Variants in MIIP observed in about 807,000 individuals in gnomAD.
The protein encoded by MIIP is migration and invasion inhibitory protein.
Under a neutral mutation model 44.8 loss-of-function variants are expected in MIIP, and 44 were observed. The observed-to-expected ratio is 0.98, with a 90% CI of 0.77 to 1.26. The LOEUF (loss-of-function observed/expected upper bound fraction) is 1.26, where lower values mean the gene tolerates loss of function less well. Ranked by LOEUF, MIIP falls within the 50% of genes most tolerant of loss-of-function variation. The pLI, the probability that MIIP is intolerant of heterozygous loss-of-function variation, is 0.00. For missense variants in MIIP, 496 were observed against 511.7 expected, an observed-to-expected ratio of 0.97 and a Z score of 0.30; for synonymous variants, 225 against 218.3, an observed-to-expected ratio of 1.03 and a Z score of -0.27.
In MIIP at chr1:12,031,256, C is replaced by A; in HGVS notation, c.943-10C>A. The A allele has an allele frequency of 1.2e-6, 2 of 1,611,702 alleles. No individual in the cohort carries two copies. Among genetic ancestry groups the A allele is most frequent in the Non-Finnish European group, 1.7e-6 (2 of 1,178,728 alleles). ...CAGGTCAGGCACTTTTAACTCCTTGCCTTCCACAGCACTGCCTGCTGGGCT... is the reference window on the plus strand; with the variant it reads ...CAGGTCAGGCACTTTTAACTCCTTGACTTCCACAGCACTGCCTGCTGGGCT... On this transcript the variant is annotated splice_polypyrimidine_tract_variant and intron_variant, in intron 8 of 9. Transcript: ENST00000235332.
At chr1:12,019,744 C>T (rs1450276837) in intron 1 of MIIP, among the ~76,000 whole-genome samples, 192 bp downstream of exon 1, 1 of 152,282 alleles carries the variant, frequency 6.6e-6, no homozygotes, top group Admixed American at 6.5e-5. Context: ...TCTGGAGCGT[C>T]GCTTTCCCGG....
In MIIP at chr1:12,021,760, C is replaced by T. The variant is rs765743023; in HGVS notation, c.34C>T (p.Leu12=). 6.2e-7 allele frequency: 1 copy of T among 1,612,960 alleles called. No homozygotes were observed. Among genetic ancestry groups the T allele is most frequent in the Admixed American group, 1.7e-5 (1 of 60,006 alleles). Residue 12 remains leucine, a synonymous_variant, in exon 2 of 10, where the codon CTG becomes TTG. Transcript: ENST00000235332. ...GGCTGAGGAACTGGCACAGCTGCGG[C>T]TGCTCAATCTGGAGCTCCTGAGGCA... ...VEAEELAQLR[L]LNLELLRQLW...
At chr1:12,019,994 G>A (rs1365502129) in intron 1 of MIIP, among the ~76,000 whole-genome samples, 1 of 152,250 alleles carries the variant, frequency 6.6e-6, no homozygotes, top group Non-Finnish European at 1.5e-5. Context: ...GTGTGTGGGG[G>A]AGGTTCCGGG....
intron 4 of MIIP, among the ~76,000 whole-genome samples, chr1:12,024,771 T>G (rs1640065112): frequency 6.6e-6 from 1 of 152,190 alleles, no homozygotes; most frequent in African/African-American, 2.4e-5. Context: ...ACTGTTGAGC[T>G]ATCATTACTA....
intron 4 of MIIP, chr1:12,028,807 T>C: frequency 1.8e-6 from 1 of 565,966 alleles, no homozygotes; most frequent in South Asian, 2.0e-5. Flanking sequence ...GCTCTGTCGA[T>C]ATTTTTTCCA....
At chr1:12,024,008 G>C (rs12753910) in intron 4 of MIIP, 1 of 151,612 alleles carries the variant, frequency 6.6e-6, no homozygotes, top group South Asian at 2.1e-4. Flanking sequence ...AAATAAGCAA[G>C]CAAAAAAAAC....
In MIIP at chr1:12,022,210, C is replaced by T; in HGVS notation, c.230C>T (p.Pro77Leu). 6.2e-7 allele frequency: 1 copy of T among 1,613,166 alleles called. No homozygotes were observed. Among genetic ancestry groups the T allele is most frequent in the Non-Finnish European group, 8.5e-7 (1 of 1,179,566 alleles). ...PRGRSSVWGP[P>L]DACRGDLRDV... ...GGCCGGTCCTCCGTGTGGGGCCCAC[C>T]AGATGCCTGTCGAGGGGACCTCCGT... Residue 77 changes from proline to leucine, a missense_variant, in exon 3 of 10, where the codon CCA becomes CTA. Pro to Leu is a moderately conservative substitution (Grantham distance 98). Coordinates refer to ENST00000235332, the MANE Select transcript of MIIP (RefSeq NM_021933.4).
intron 4 of MIIP, among the ~76,000 whole-genome samples, chr1:12,026,849 C>T (rs187111147): frequency 3.5e-4 from 54 of 152,312 alleles, no homozygotes; most frequent in East Asian, 3.5e-3. Flanking sequence ...GGTAAAGCCG[C>T]TGTCTGTTAT....
rs1227967355 is a variant in MIIP at position 12,021,362 on chromosome 1, C to G, written c.-82-283C>G. On this transcript the variant is annotated intron_variant, in intron 1 of 9. Transcript: ENST00000235332. ...TGAGCCGAGATTGCGCCACTGCACT[C>G]CAGCCTGGGCGACAGAGCAAGACTC... Among the ~76,000 whole-genome samples the G allele has an allele frequency of 2.0e-5, 3 of 151,300 alleles. No homozygotes were observed. The South Asian group carries it at 6.3e-4, about 32-fold the overall frequency.
At chr1:12,025,062 T>G (rs1166495851) in intron 4 of MIIP, among the ~76,000 whole-genome samples, 1 of 150,942 alleles carries the variant, frequency 6.6e-6, no homozygotes, top group Non-Finnish European at 1.5e-5. Context: ...TTGTTGTTGT[T>G]TTTTTTGTTT....
At chr1:12,027,901 C>T (rs1364467316) in intron 4 of MIIP, among the ~76,000 whole-genome samples, 1 of 152,228 alleles carries the variant, frequency 6.6e-6, no homozygotes. Context: ...CATCCTGATA[C>T]ACCCAACATA....
At chr1:12,022,747 C>A in intron 3 of MIIP, 86 bp from the exon 4 acceptor site, 1 of 1,066,282 alleles carries the variant, frequency 9.4e-7, no homozygotes, top group Non-Finnish European at 1.4e-6. Context: ...TAAGTTAAGA[C>A]ACAGTCTCTC....
At chr1:12,025,965 T>G (rs1640097475) in intron 4 of MIIP, among the ~76,000 whole-genome samples, 1 of 151,680 alleles carries the variant, frequency 6.6e-6, no homozygotes, top group African/African-American at 2.4e-5. Flanking sequence ...CCCAAAGTGC[T>G]GGGATTACAC....
intron 8 of MIIP, 146 bp from the exon 9 acceptor site, chr1:12,031,119 TG>T: frequency 1.1e-6 from 1 of 934,626 alleles, no homozygotes; most frequent in South Asian, 1.8e-5. Context: ...AGGGGAGAGC[TG>T]GGGTAGTCTT....
At chr1:12,031,618 G>C in intron 9 of MIIP, 104 bp from the exon 10 acceptor site, 2 of 1,612,738 alleles carry the variant, frequency 1.2e-6, no homozygotes, top group Non-Finnish European at 1.7e-6. Context: ...CTCCACCCAG[G>C]AAGGCCACCC....
At chr1:12,025,419 G>T (rs1479780455) in intron 4 of MIIP, among the ~76,000 whole-genome samples, 1 of 152,076 alleles carries the variant, frequency 6.6e-6, no homozygotes. Context: ...GCCACATGTT[G>T]TTTATCTGTT....
chr1:12,022,263 C>T lies in MIIP; in HGVS notation c.283C>T (p.Leu95Phe), dbSNP rs568044305. Reference sequence around the variant, plus strand: ...TGTGGCCAGATCGGGGGTGGCCTCTCTCCCACCTGCCAAATGCCAGCACCA... The same window carrying T: ...TGTGGCCAGATCGGGGGTGGCCTCTTTCCCACCTGCCAAATGCCAGCACCA... Reference protein sequence around the residue: ...RDVARSGVASLPPAKCQHQES... With the variant: ...RDVARSGVASFPPAKCQHQES... Residue 95 changes from leucine (L) to phenylalanine (F), a missense_variant, in exon 3 of 10, where the codon CTC (leucine) becomes TTC (phenylalanine). Physicochemically the swap from Leu to Phe is conservative, Grantham distance 22 (BLOSUM62 0). Transcript: ENST00000235332. 80 of 1,613,686 alleles carry T rather than the reference C, an allele frequency of 5.0e-5. No individual in the cohort carries two copies. The South Asian group carries it at 8.3e-4, about 17-fold the overall frequency.
At chr1:12,028,860 A>C (rs1640160225) in intron 4 of MIIP, 173 bp from the exon 5 acceptor site, 1 of 605,702 alleles carries the variant, frequency 1.7e-6, no homozygotes, top group Admixed American at 2.9e-5. Flanking sequence ...CACTGAAACC[A>C]ACCAACAGTC....
At chr1:12,021,862 C>A in intron 2 of MIIP, 22 bp downstream of exon 2, 2 of 1,570,082 alleles carry the variant, frequency 1.3e-6, no homozygotes, top group South Asian at 1.2e-5. Context: ...CCTTGGGAAC[C>A]CCAGAGGAAG....
Sources: gnomAD v4.1 joint callset for allele counts (sites outside exome capture counted in the v4.1 genomes callset) on GRCh38, gnomAD v4.1.1 for gene constraint, MANE v1.5 for transcripts, NCBI Gene and HGNC (gene_info 2026-07-23, HGNC 2026-07-21) for gene names.